Variants in NEBL observed in about 807,000 individuals in gnomAD.
The protein encoded by NEBL is LIM and SH3 protein 2.
NEBL carries 122 observed loss-of-function variants against 140.2 expected under a neutral mutation model. The observed-to-expected ratio is 0.87, with a 90% CI of 0.75 to 1.01. NEBL has a LOEUF of 1.01. NEBL is among the 50% of genes least tolerant of loss of function. The pLI, the probability that NEBL is intolerant of heterozygous loss-of-function variation, is 0.00. For missense variants in NEBL, 1,365 were observed against 1,231.3 expected (o/e 1.11, Z -1.62); for synonymous variants, 436 against 398.9 (o/e 1.09, Z -1.11).
chr10:21,112,440 G>A (rs1838064106), intron 2 of NEBL, among the ~76,000 whole-genome samples: 2 of 152,166 alleles, frequency 1.3e-5, no homozygotes, highest in East Asian at 1.9e-4. Context: ...TCCTTTGCAG[G>A]GACATGGATG....
intron 3 of NEBL, among the ~76,000 whole-genome samples, chr10:21,231,937 C>T (rs75908867): frequency 6.6e-6 from 1 of 152,264 alleles, no homozygotes; most frequent in East Asian, 1.9e-4. Context: ...CGCTATGCCC[C>T]CTCCCTTTTG....
intron 9 of NEBL, among the ~76,000 whole-genome samples, chr10:20,856,296 T>TC (rs1843067025): frequency 6.6e-6 from 1 of 152,174 alleles, no homozygotes; most frequent in African/African-American, 2.4e-5. Context: ...GCGATTTTTT[T>TC]CTCTGTTATT....
At chr10:21,035,680 C>T (rs1339573285) in intron 2 of NEBL, among the ~76,000 whole-genome samples, 1 of 152,112 alleles carries the variant, frequency 6.6e-6, no homozygotes, top group African/African-American at 2.4e-5. Flanking sequence ...AAAAGAAGAA[C>T]TTTGTGGAAG....
chr10:20,884,605 G>C (rs368663357), intron 4 of NEBL, among the ~76,000 whole-genome samples: 1 of 152,172 alleles, frequency 6.6e-6, no homozygotes, highest in African/African-American at 2.4e-5. Flanking sequence ...CTACAAAGAC[G>C]ATCAGAATAA....
chr10:21,271,087 G>T (rs577736547), intron 1 of NEBL, among the ~76,000 whole-genome samples: 2 of 152,210 alleles, frequency 1.3e-5, no homozygotes, highest in South Asian at 4.1e-4. Context: ...CAATAACCAA[G>T]ATATGGAAAC....
chr10:21,196,280 G>A (rs1841646589), intron 3 of NEBL, among the ~76,000 whole-genome samples: 1 of 151,514 alleles, frequency 6.6e-6, no homozygotes, highest in Admixed American at 6.6e-5. Flanking sequence ...GGGATTATAG[G>A]CGTGAGCCAC....
intron 2 of NEBL, among the ~76,000 whole-genome samples, chr10:21,042,705 C>T (rs761897631): frequency 6.6e-6 from 1 of 152,154 alleles, no homozygotes; most frequent in Non-Finnish European, 1.5e-5. Flanking sequence ...GCAAATCAGG[C>T]CTTTTTGTTC....
chr10:21,247,864 A>C (rs1209522295), intron 3 of NEBL: 1 of 218,022 alleles, frequency 4.6e-6, no homozygotes, highest in Non-Finnish European at 1.0e-5. Context: ...ATCTATAAAA[A>C]GTTAGAAGAG....
chr10:20,811,863 T>C (rs777349027), intron 24 of NEBL, among the ~76,000 whole-genome samples: 7 of 152,200 alleles, frequency 4.6e-5, no homozygotes, highest in Non-Finnish European at 8.8e-5. Flanking sequence ...TCTTCAGTTG[T>C]TGATACAGAC....
At chr10:21,000,281 C>CA (rs1445528358) in intron 3 of NEBL, among the ~76,000 whole-genome samples, 2 of 151,896 alleles carry the variant, frequency 1.3e-5, no homozygotes, top group African/African-American at 4.8e-5. Flanking sequence ...GCCCTGCCCT[C>CA]AAGGGGCCAT....
chr10:20,819,442 G>A lies in NEBL; in HGVS notation c.2037C>T (p.Asn679=). The change falls in exon 20 of 28, where the codon AAC becomes AAT. Residue 679 remains asparagine (N), a synonymous_variant. Transcript: ENST00000377122. ...MTPEIERVRR[N]QEQLSAVKYK... ...GACTTGCCGCACTCAGCTGCTCCTGGTTTCGCCTCACTCTCTCTATCTCCG... is the reference window on the plus strand; with the variant it reads ...GACTTGCCGCACTCAGCTGCTCCTGATTTCGCCTCACTCTCTCTATCTCCG... 6.2e-7 allele frequency: 1 copy of A among 1,614,018 alleles called. No individual in the cohort carries two copies. Among genetic ancestry groups the A allele is most frequent in the Non-Finnish European group, 8.5e-7 (1 of 1,179,980 alleles).
rs774326431 is a variant in NEBL at position 20,840,813 on chromosome 10, C to T, written c.1264G>A (p.Gly422Arg). The T allele has an allele frequency of 6.2e-7, 1 of 1,608,772 alleles. No homozygotes were observed. The highest frequency in any genetic ancestry group is 8.5e-7 in the Non-Finnish European group (1 of 1,176,064). The change falls in exon 13 of 28, where the codon GGG (glycine) becomes AGG (arginine). Residue 422 changes from glycine (G) to arginine (R), a missense_variant. Gly to Arg is a moderately radical substitution (Grantham distance 125). Coordinates refer to ENST00000377122, the MANE Select transcript of NEBL (RefSeq NM_006393.3). Reference sequence around the variant, plus strand: ...TCTGAATTAAGTTCCATTCCTTTCCCTTTTATCTCATTTTCCAAATCTTTT... The same window carrying T: ...TCTGAATTAAGTTCCATTCCTTTCCTTTTTATCTCATTTTCCAAATCTTTT... ...YKKDLENEIK[G>R]KGMELNSEVL... is the part of the protein sequence containing the mutation.
intron 1 of NEBL, among the ~76,000 whole-genome samples, chr10:21,267,864 A>C (rs1390296127): frequency 1.3e-5 from 2 of 152,222 alleles, no homozygotes; most frequent in African/African-American, 2.4e-5. Context: ...GAACATTTTC[A>C]TCAACACAGA....
In NEBL at chr10:21,173,930, G is replaced by T. The variant is rs1043739312; in HGVS notation, c.-97C>A. On this transcript the variant is annotated 5_prime_UTR_variant, in exon 1 of 7. Coordinates refer to the NEBL transcript ENST00000417816. This position sits in a 1 kb window ranked among gnomAD's most constrained non-coding sequence, Gnocchi z 5.7. ...AGCCCCGCACCGCCTCCTGGCAGGC[G>T]GGAGGGCTGCGGGCGGCGGGCGCCG... 5.3e-5 allele frequency: 77 copies of T among 1,440,004 alleles called. No homozygotes were observed. The highest frequency in any genetic ancestry group is 4.8e-5 in the Non-Finnish European group (53 of 1,108,390). The allele number at this position is 1,440,004 out of a possible 1,614,324, so 89.2% of individuals were successfully genotyped here.
chr10:20,912,238 C>T (rs1848358977), intron 4 of NEBL, among the ~76,000 whole-genome samples: 1 of 152,168 alleles, frequency 6.6e-6, no homozygotes, highest in African/African-American at 2.4e-5. Context: ...CAGAGGAATG[C>T]TCACAGACGT....
intron 2 of NEBL, among the ~76,000 whole-genome samples, chr10:21,041,202 C>G (rs1834253424): frequency 6.6e-6 from 1 of 152,198 alleles, no homozygotes; most frequent in Non-Finnish European, 1.5e-5. Flanking sequence ...CCTCACTCTC[C>G]TCCCACGCTC....
intron 4 of NEBL, among the ~76,000 whole-genome samples, chr10:20,883,703 T>C (rs554000675): frequency 6.6e-6 from 1 of 152,372 alleles, no homozygotes; most frequent in East Asian, 1.9e-4. Flanking sequence ...CTTGTGACTT[T>C]ATAAATGTAA....
At chr10:21,094,216 G>C (rs761202121) in intron 2 of NEBL, among the ~76,000 whole-genome samples, 2 of 152,110 alleles carry the variant, frequency 1.3e-5, no homozygotes, top group African/African-American at 4.8e-5. Flanking sequence ...AATTAGCCAG[G>C]TGTAGGCCGG....
In NEBL at chr10:20,897,274, C is replaced by T. The variant is rs1462142480; in HGVS notation, c.-69G>A. On this transcript the variant is annotated 5_prime_UTR_variant, in exon 1 of 28. Transcript: ENST00000377122. Reference sequence around the variant, plus strand: ...GGCGTCCTTTTCCATACCACAGTGCCCTTGAGATGCTGACGTCTCTGGTGC... The same window carrying T: ...GGCGTCCTTTTCCATACCACAGTGCTCTTGAGATGCTGACGTCTCTGGTGC... 3 of 1,519,402 alleles carry T rather than the reference C, an allele frequency of 2.0e-6. No individual in the cohort carries two copies. The highest frequency in any genetic ancestry group is 2.8e-5 in the African/African-American group (2 of 71,588). The allele number at this position is 1,519,402 out of a possible 1,614,324, so 94.1% of individuals were successfully genotyped here.
Sources: gnomAD v4.1 joint callset for allele counts (sites outside exome capture counted in the v4.1 genomes callset) on GRCh38, gnomAD v4.1.1 for gene constraint, Gnocchi (gnomAD v3.1) non-coding constraint, MANE v1.5 for transcripts, NCBI Gene and HGNC (gene_info 2026-07-23, HGNC 2026-07-21) for gene names.